Variants in NEBL observed in about 807,000 individuals in gnomAD.
The protein encoded by NEBL is nebulette.
In NEBL, 122 loss-of-function variants were observed where a neutral mutation model predicts 140.2. The observed-to-expected ratio is 0.87, with a 90% CI of 0.75 to 1.01. The LOEUF is 1.01. NEBL is among the 50% of genes least tolerant of loss of function. The probability of loss-of-function intolerance (pLI) is 0.00; values close to 1 mark genes in which losing one functional copy is unlikely to be tolerated. For missense variants in NEBL, 1,365 were observed against 1,231.3 expected, an observed-to-expected ratio of 1.11 and a Z score of -1.62; for synonymous variants, 436 against 398.9, an observed-to-expected ratio of 1.09 and a Z score of -1.11.
At chr10:20,884,059 A>G (rs1311751342) in intron 4 of NEBL, among the ~76,000 whole-genome samples, 2 of 152,186 alleles carry the variant, frequency 1.3e-5, no homozygotes, top group Non-Finnish European at 2.9e-5. Flanking sequence ...GAGAACTGAG[A>G]TTGCCATGTT....
chr10:21,230,604 CTTTTT>C, intron 3 of NEBL, among the ~76,000 whole-genome samples: 1 of 125,506 alleles, frequency 8.0e-6, no homozygotes, highest in African/African-American at 2.8e-5. Flanking sequence ...AACTGGAAAC[CTTTTT>C]TTTTTTTTTT....
chr10:21,028,982 G>T (rs1281514264), intron 2 of NEBL: 39 of 575,010 alleles, frequency 6.8e-5, no homozygotes, highest in Non-Finnish European at 1.0e-4. Context: ...TGAAAGTGTT[G>T]CTTTCCCGCT....
At chr10:20,961,637 A>G in intron 4 of NEBL, 1 of 1,425,588 alleles carries the variant, frequency 7.0e-7, no homozygotes, top group Non-Finnish European at 9.9e-7. Flanking sequence ...AATGCACATC[A>G]GAGCCATCAT....
intron 4 of NEBL, among the ~76,000 whole-genome samples, chr10:20,934,402 G>A (rs924231072): frequency 2.6e-5 from 4 of 152,144 alleles, no homozygotes; most frequent in East Asian, 1.9e-4. Flanking sequence ...GTGCACTAAC[G>A]CAGACTCATT....
At chr10:20,989,571 G>A (rs555363798) in intron 3 of NEBL, among the ~76,000 whole-genome samples, 1 of 152,226 alleles carries the variant, frequency 6.6e-6, no homozygotes, top group African/African-American at 2.4e-5. Flanking sequence ...GAGAAGACAG[G>A]GAGGGAGGAG....
intron 2 of NEBL, among the ~76,000 whole-genome samples, chr10:20,894,585 C>T (rs788968): frequency 0.96 from 145,617 of 152,078 alleles, 69,927 homozygotes; most frequent in Middle Eastern, 1. Flanking sequence ...GAATTCTATT[C>T]GGAAGCAAAA....
In NEBL at chr10:20,781,959, A is replaced by C. The variant is rs1486999795; in HGVS notation, c.*3788T>G. 1 of 152,654 alleles carries C rather than the reference A, an allele frequency of 6.6e-6. No individual in the cohort carries two copies. The highest frequency in any genetic ancestry group is 1.5e-5 in the Non-Finnish European group (1 of 68,030). The allele number at this position is 152,654 out of a possible 1,614,324, so 9.5% of individuals were successfully genotyped here. A position where few individuals can be genotyped will look rare whatever the true frequency, so the allele number is the denominator to read the frequency against. Reference sequence around the variant, plus strand: ...ATAATTAATTTATGAAGTGAAGTTCATCTTGTGTAGTGAATCCAGCCTCAC... The same window carrying C: ...ATAATTAATTTATGAAGTGAAGTTCCTCTTGTGTAGTGAATCCAGCCTCAC... On this transcript the variant is annotated 3_prime_UTR_variant, in exon 28 of 28. Transcript: ENST00000377122.
intron 4 of NEBL, among the ~76,000 whole-genome samples, chr10:20,944,650 C>T (rs954079099): frequency 2.6e-4 from 40 of 152,264 alleles, no homozygotes; most frequent in African/African-American, 9.6e-4. Flanking sequence ...ACTAGCTATC[C>T]CAGGCTTGTA....
chr10:21,200,559 C>A (rs1212196930), intron 3 of NEBL, among the ~76,000 whole-genome samples: 2 of 152,200 alleles, frequency 1.3e-5, no homozygotes, highest in Admixed American at 1.3e-4. Flanking sequence ...GATGATCCAC[C>A]TGCCTCGGCC....
intron 2 of NEBL, among the ~76,000 whole-genome samples, chr10:21,169,067 A>AAAAAAATATATATAT (rs1554830679): frequency 3.9e-4 from 9 of 23,066 alleles, no homozygotes; most frequent in Admixed American, 7.6e-4. Context: ...AAAAAAAAAA[A>AAAAAAATATATATAT]ATATATATAT....
In NEBL at chr10:20,976,291, G is replaced by A. The variant is rs565430176; in HGVS notation, c.250-14512C>T. Among the ~76,000 whole-genome samples the A allele has an allele frequency of 4.7e-5, 7 of 148,952 alleles. No homozygotes were observed. In the South Asian group the frequency reaches 1.1e-3, roughly 23 times the overall value. ...AGGAGGCAGAAGTTGGCAGTGAGCC[G>A]AGATCACACCACTGCACTCCAGCCT... On this transcript the variant is annotated intron_variant, in intron 3 of 6. Coordinates refer to the NEBL transcript ENST00000417816.
intron 3 of NEBL, among the ~76,000 whole-genome samples, chr10:21,018,534 T>C (rs1170464881): frequency 6.6e-6 from 1 of 152,128 alleles, no homozygotes; most frequent in East Asian, 1.9e-4. Context: ...AACTAAAAAA[T>C]AGCTCCCAAC....
chr10:21,012,520 T>A (rs1589135357), intron 3 of NEBL, among the ~76,000 whole-genome samples: 1 of 152,016 alleles, frequency 6.6e-6, no homozygotes, highest in South Asian at 2.1e-4. Flanking sequence ...CCACCATGCC[T>A]AGCTTATTTA....
chr10:21,172,868 TA>T (rs1441728794), intron 1 of NEBL, among the ~76,000 whole-genome samples: 1 of 152,030 alleles, frequency 6.6e-6, no homozygotes, highest in Non-Finnish European at 1.5e-5. Flanking sequence ...AGGATCTCAA[TA>T]AATATGTGTT....
At chr10:20,960,106 C>T (rs1479812610) in intron 4 of NEBL, among the ~76,000 whole-genome samples, 2 of 151,974 alleles carry the variant, frequency 1.3e-5, no homozygotes, top group Non-Finnish European at 2.9e-5. Context: ...CAGCTTCAAT[C>T]CTTATGTTAG....
chr10:20,856,358 G>T (rs1027385512), intron 9 of NEBL, among the ~76,000 whole-genome samples: 1 of 152,080 alleles, frequency 6.6e-6, no homozygotes, highest in African/African-American at 2.4e-5. Context: ...GGAGTGGCAC[G>T]CTTTCTTCCA....
At chr10:21,242,063 G>C (rs898593514) in intron 3 of NEBL, among the ~76,000 whole-genome samples, 3 of 152,148 alleles carry the variant, frequency 2.0e-5, no homozygotes, top group African/African-American at 7.2e-5. Flanking sequence ...TTAGCTGGGT[G>C]TGGTGGCACA....
At chr10:20,844,031 A>G (rs979099152) in intron 12 of NEBL, among the ~76,000 whole-genome samples, 3 of 152,164 alleles carry the variant, frequency 2.0e-5, no homozygotes, top group Non-Finnish European at 4.4e-5. Flanking sequence ...CCATTTGCTT[A>G]GCCTTCAACT....
rs71524343 is a variant in NEBL, at chr10:20,852,482, G to A, written c.1008+63C>T. 438 of 1,044,208 alleles carry A rather than the reference G, an allele frequency of 4.2e-4. No homozygotes were observed. In the African/African-American group the frequency reaches 4.6e-3, roughly 11 times the overall value. 64.7% of individuals were successfully genotyped at this position (1,044,208 alleles called of 1,614,324 possible). On this transcript the variant is annotated intron_variant, in intron 10 of 27. Transcript: ENST00000377122. ...GTTAAGACGCACGGCAGTGAGCGGC[G>A]GGCCTCAGGATGGTTACGGGTTGCT...
Sources: gnomAD v4.1 joint callset for allele counts (sites outside exome capture counted in the v4.1 genomes callset) on GRCh38, gnomAD v4.1.1 for gene constraint, MANE v1.5 for transcripts, NCBI Gene and HGNC (gene_info 2026-07-23, HGNC 2026-07-21) for gene names.